GRIN2A: variants seen among roughly 807,000 people sequenced by gnomAD.
The protein encoded by GRIN2A is glutamate ionotropic receptor NMDA type subunit 2A.
Under a neutral mutation model 113.4 loss-of-function variants are expected in GRIN2A, and 22 were observed. The ratio of observed to expected loss-of-function variants is 0.19; its 90% CI spans 0.14 to 0.28. The LOEUF is 0.28. Among genes scored for constraint, GRIN2A ranks in the 10% least tolerant of loss-of-function variants. The pLI is 1.00. For missense variants in GRIN2A, 1,502 were observed against 1,887.0 expected (o/e 0.80, Z 3.78); for synonymous variants, 827 against 738.4 (o/e 1.12, Z -1.94).
At chr16:9,947,306 A>G (rs2045042311) in intron 2 of GRIN2A, among the ~76,000 whole-genome samples, 1 of 152,218 alleles carries the variant, frequency 6.6e-6, no homozygotes, top group South Asian at 2.1e-4. Context: ...TGACAGCCAC[A>G]ACAGCCAAGA....
chr16:10,164,089 G>C (rs990442251), intron 2 of GRIN2A, among the ~76,000 whole-genome samples: 1 of 152,206 alleles, frequency 6.6e-6, no homozygotes, highest in African/African-American at 2.4e-5. Flanking sequence ...TTACTCACGT[G>C]GTCTTAAGAC....
intron 2 of GRIN2A, among the ~76,000 whole-genome samples, chr16:10,016,763 G>C (rs556807437): frequency 8.0e-4 from 122 of 152,196 alleles, no homozygotes; most frequent in African/African-American, 2.6e-3. Context: ...TGCTCTCTGG[G>C]CCTCCCGGCC....
chr16:9,786,063 C>G (rs1902212166), intron 11 of GRIN2A, among the ~76,000 whole-genome samples: 1 of 152,184 alleles, frequency 6.6e-6, no homozygotes, highest in Non-Finnish European at 1.5e-5. Context: ...TACAGACTAG[C>G]CCAGCTCATC....
At chr16:9,887,299 T>C (rs983505872) in intron 4 of GRIN2A, among the ~76,000 whole-genome samples, 4 of 152,180 alleles carry the variant, frequency 2.6e-5, no homozygotes, top group Admixed American at 2.0e-4. Context: ...ATAACTGCCA[T>C]CACTCCAGAA....
At chr16:10,024,508 G>A (rs959760593) in intron 2 of GRIN2A, among the ~76,000 whole-genome samples, 5 of 152,196 alleles carry the variant, frequency 3.3e-5, no homozygotes, top group Non-Finnish European at 5.9e-5. Context: ...GTGAGCCAAC[G>A]TGCCCAGCCA....
chr16:9,980,180 C>A (rs926906805), intron 2 of GRIN2A, among the ~76,000 whole-genome samples: 1 of 150,838 alleles, frequency 6.6e-6, no homozygotes, highest in Admixed American at 6.6e-5. Flanking sequence ...GGCTGAGGCA[C>A]GAGAATTGCT....
At chr16:9,804,773 G>C (rs989326389) in intron 10 of GRIN2A, among the ~76,000 whole-genome samples, 2 of 152,146 alleles carry the variant, frequency 1.3e-5, no homozygotes, top group African/African-American at 4.8e-5. Context: ...CTACATGACA[G>C]GCTCACCCCC....
At chr16:9,901,414 G>A (rs763542390) in intron 3 of GRIN2A, among the ~76,000 whole-genome samples, 3 of 152,042 alleles carry the variant, frequency 2.0e-5, no homozygotes, top group South Asian at 2.1e-4. Flanking sequence ...CACTTACATC[G>A]TTAATATGTT....
chr16:9,883,017 C>T (rs1382154866), intron 4 of GRIN2A, among the ~76,000 whole-genome samples: 4 of 152,210 alleles, frequency 2.6e-5, no homozygotes, highest in East Asian at 3.9e-4. Flanking sequence ...CGGGGGCAGG[C>T]GGACCTCCAC....
At chr16:9,899,004 T>C (rs1479828787) in intron 3 of GRIN2A, among the ~76,000 whole-genome samples, 1 of 152,140 alleles carries the variant, frequency 6.6e-6, no homozygotes, top group Non-Finnish European at 1.5e-5. Context: ...CTTCTTCCTC[T>C]GAATATCCTT....
At chr16:10,154,268 G>A (rs972764364) in intron 2 of GRIN2A, among the ~76,000 whole-genome samples, 1 of 152,104 alleles carries the variant, frequency 6.6e-6, no homozygotes, top group Non-Finnish European at 1.5e-5. Context: ...CACGTTGCAT[G>A]AACGAGAAAT....
chr16:9,947,418 C>T (rs1247666093), intron 2 of GRIN2A, among the ~76,000 whole-genome samples: 1 of 152,210 alleles, frequency 6.6e-6, no homozygotes, highest in Non-Finnish European at 1.5e-5. Context: ...ATTAAGTTTT[C>T]GTCTCCGGCT....
At chr16:9,813,352 A>G (rs2042123129) in intron 10 of GRIN2A, among the ~76,000 whole-genome samples, 1 of 152,208 alleles carries the variant, frequency 6.6e-6, no homozygotes, top group Non-Finnish European at 1.5e-5. Flanking sequence ...GAAATGCAGG[A>G]AAAAATAGAG....
chr16:9,948,328 T>C (rs982406400), intron 2 of GRIN2A, among the ~76,000 whole-genome samples: 1 of 152,198 alleles, frequency 6.6e-6, no homozygotes, highest in South Asian at 2.1e-4. Context: ...AGAATCACCT[T>C]GGATCTTGTT....
chr16:10,027,083 C>T (rs117192096), intron 2 of GRIN2A, among the ~76,000 whole-genome samples: 1,648 of 152,292 alleles, frequency 0.011, 9 homozygotes, highest in Non-Finnish European at 0.018. Flanking sequence ...TTTCTGTTGG[C>T]CTCTCCTCAC....
rs1596373408 is a variant in GRIN2A at position 9,762,717 on chromosome 16, T to C, written c.*432A>G. 3 of 311,230 alleles carry C rather than the reference T, an allele frequency of 9.6e-6. No homozygotes were observed. In the East Asian group the frequency reaches 1.5e-4, roughly 15 times the overall value. The allele number at this position is 311,230 out of a possible 1,614,324, so 19.3% of individuals were successfully genotyped here. A position where few individuals can be genotyped will look rare whatever the true frequency, so the allele number is the denominator to read the frequency against. Reference sequence around the variant, plus strand: ...TTATTTTGTCTGTGTCAGGTTTACATGCACACCATATTGCTTATTCTGTAT... The same window carrying C: ...TTATTTTGTCTGTGTCAGGTTTACACGCACACCATATTGCTTATTCTGTAT... On this transcript the variant is annotated 3_prime_UTR_variant, in exon 13 of 13. Coordinates refer to ENST00000330684, the MANE Select transcript of GRIN2A (RefSeq NM_001134407.3).
At chr16:9,797,905 A>G (rs1166389815) in intron 11 of GRIN2A, among the ~76,000 whole-genome samples, 1 of 152,112 alleles carries the variant, frequency 6.6e-6, no homozygotes, top group Non-Finnish European at 1.5e-5. Flanking sequence ...GCATTGCCAA[A>G]TGTCACCTGA....
At chr16:10,137,460 T>C (rs2049220880) in intron 2 of GRIN2A, among the ~76,000 whole-genome samples, 1 of 152,224 alleles carries the variant, frequency 6.6e-6, no homozygotes, top group South Asian at 2.1e-4. Flanking sequence ...AATGACCTAA[T>C]GCTTTCACCT....
chr16:9,763,130 A>T lies in GRIN2A; in HGVS notation c.*19T>A. ...CATTACGTATATTTCCCTATAGATA[A>T]AACATTAATGGAAGATTTTTAAACA... On this transcript the variant is annotated 3_prime_UTR_variant, in exon 13 of 13. Transcript: ENST00000330684. 4 of 1,611,038 alleles carry T rather than the reference A, an allele frequency of 2.5e-6. No homozygotes were observed. Among genetic ancestry groups the T allele is most frequent in the Non-Finnish European group, 3.4e-6 (4 of 1,177,476 alleles).
Sources: allele counts gnomAD v4.1 joint callset (sites outside exome capture counted in the v4.1 genomes callset), GRCh38; gene constraint gnomAD v4.1.1; transcripts MANE v1.5; gene names NCBI Gene and HGNC (gene_info 2026-07-23, HGNC 2026-07-21).